Variants in ZNF385B observed in about 807,000 individuals in gnomAD.
The protein encoded by ZNF385B is zinc finger protein 533.
A neutral mutation model predicts 39.2 loss-of-function variants in ZNF385B; 23 were observed. The ratio of observed to expected loss-of-function variants is 0.59; its 90% CI spans 0.42 to 0.83. The LOEUF (loss-of-function observed/expected upper bound fraction) is 0.83. Among genes scored for constraint, ZNF385B ranks in the 40% least tolerant of loss-of-function variants. ZNF385B has a pLI of 0.00. For missense variants in ZNF385B, 552 were observed against 598.9 expected, an observed-to-expected ratio of 0.92 and a Z score of 0.82; for synonymous variants, 205 against 222.6, an observed-to-expected ratio of 0.92 and a Z score of 0.70.
chr2:179,466,736 C>T (rs756506264), intron 6 of ZNF385B, among the ~76,000 whole-genome samples: 26 of 151,430 alleles, frequency 1.7e-4, no homozygotes, highest in African/African-American at 3.2e-4. Context: ...GCCTGGCTAA[C>T]GTGATGCAAC....
chr2:179,599,946 C>A (rs1688284933), intron 3 of ZNF385B, among the ~76,000 whole-genome samples: 1 of 152,180 alleles, frequency 6.6e-6, no homozygotes, highest in Non-Finnish European at 1.5e-5. Context: ...CTGGGCTGCT[C>A]TGTCCAGGTG....
chr2:179,455,036 TTC>T (rs1229876049), intron 6 of ZNF385B, among the ~76,000 whole-genome samples: 2 of 152,176 alleles, frequency 1.3e-5, no homozygotes, highest in African/African-American at 4.8e-5. Flanking sequence ...GTCCTGGGCC[TTC>T]ACATTCACCA....
chr2:179,720,224 G>C (rs1575338393), intron 3 of ZNF385B, among the ~76,000 whole-genome samples: 1 of 152,058 alleles, frequency 6.6e-6, no homozygotes, highest in Admixed American at 6.6e-5. Flanking sequence ...TGATAATAAT[G>C]CCTAATTTTT....
chr2:179,718,980 T>A (rs9288041), intron 3 of ZNF385B, among the ~76,000 whole-genome samples: 117,650 of 151,462 alleles, frequency 0.78, 45,716 homozygotes, highest in Middle Eastern at 0.82. Flanking sequence ...GTATATATAT[T>A]TTTTTTTTCT....
chr2:179,854,437 C>T (rs1479235113), intron 1 of ZNF385B, among the ~76,000 whole-genome samples: 1 of 151,842 alleles, frequency 6.6e-6, no homozygotes, highest in Non-Finnish European at 1.5e-5. Flanking sequence ...GTAGTCATTT[C>T]CATATCCTTA....
At chr2:179,760,158 A>G (rs1703282692) in intron 3 of ZNF385B, among the ~76,000 whole-genome samples, 1 of 151,296 alleles carries the variant, frequency 6.6e-6, no homozygotes, top group Non-Finnish European at 1.5e-5. Context: ...TAATCAGGAT[A>G]TTGACATTGA....
chr2:179,477,545 T>C (rs906785260), intron 6 of ZNF385B, among the ~76,000 whole-genome samples: 5 of 152,160 alleles, frequency 3.3e-5, no homozygotes, highest in Non-Finnish European at 7.3e-5. Context: ...TGGAAATATT[T>C]TAGGTAAAAT....
chr2:179,723,598 A>G (rs1700823356), intron 3 of ZNF385B, among the ~76,000 whole-genome samples: 1 of 152,188 alleles, frequency 6.6e-6, no homozygotes, highest in Non-Finnish European at 1.5e-5. Flanking sequence ...CAAAAACTAA[A>G]TATATTTTAA....
At chr2:179,627,888 A>G (rs1160361846) in intron 3 of ZNF385B, among the ~76,000 whole-genome samples, 1 of 152,012 alleles carries the variant, frequency 6.6e-6, no homozygotes, top group Non-Finnish European at 1.5e-5. Context: ...TTTACTTTCT[A>G]TGTCTCTTTG....
chr2:179,544,623 A>G (rs1048426355), intron 4 of ZNF385B, among the ~76,000 whole-genome samples: 1 of 152,244 alleles, frequency 6.6e-6, no homozygotes, highest in African/African-American at 2.4e-5. Context: ...TTTCTGTGGA[A>G]ATATTTGTAT....
At chr2:179,614,088 G>A (rs911007178) in intron 3 of ZNF385B, among the ~76,000 whole-genome samples, 2 of 152,162 alleles carry the variant, frequency 1.3e-5, no homozygotes, top group Non-Finnish European at 2.9e-5. Context: ...TGCTGCCAAG[G>A]GATGGAGGAA....
intron 3 of ZNF385B, among the ~76,000 whole-genome samples, chr2:179,591,641 A>G (rs1326701496): frequency 6.6e-6 from 1 of 152,228 alleles, no homozygotes; most frequent in Non-Finnish European, 1.5e-5. Flanking sequence ...GTGAGGCTTC[A>G]GGGTAGAGAG....
At chr2:179,577,314 C>G (rs1685948146) in intron 3 of ZNF385B, among the ~76,000 whole-genome samples, 1 of 152,092 alleles carries the variant, frequency 6.6e-6, no homozygotes, top group Non-Finnish European at 1.5e-5. Flanking sequence ...TTTAAAGCTA[C>G]TTCTAGTTCA....
intron 1 of ZNF385B, among the ~76,000 whole-genome samples, chr2:179,857,161 G>T (rs2105455081): frequency 6.6e-6 from 1 of 152,284 alleles, no homozygotes; most frequent in East Asian, 1.9e-4. Context: ...AAACCATGTT[G>T]AGGTGTTAAT....
intron 5 of ZNF385B, among the ~76,000 whole-genome samples, chr2:179,489,848 T>A (rs1559325817): frequency 6.6e-6 from 1 of 152,230 alleles, no homozygotes; most frequent in South Asian, 2.1e-4. Context: ...TTCTCATCTA[T>A]TGGGATTGTT....
intron 4 of ZNF385B, among the ~76,000 whole-genome samples, chr2:179,529,610 C>A (rs1188874049): frequency 1.3e-5 from 2 of 151,512 alleles, no homozygotes; most frequent in African/African-American, 4.8e-5. Context: ...GGAAATCTTT[C>A]AGGGAATTAA....
intron 1 of ZNF385B, among the ~76,000 whole-genome samples, chr2:179,791,672 T>C (rs925801153): frequency 6.6e-6 from 1 of 152,222 alleles, no homozygotes; most frequent in African/African-American, 2.4e-5. Flanking sequence ...TGGCAAGCCA[T>C]TGGAAGCGGA....
At chr2:179,781,004 A>T (rs752185999) in intron 1 of ZNF385B, among the ~76,000 whole-genome samples, 1 of 152,214 alleles carries the variant, frequency 6.6e-6, no homozygotes, top group Non-Finnish European at 1.5e-5. Context: ...AAAATGGAGC[A>T]TGTGGTCACC....
intron 3 of ZNF385B, among the ~76,000 whole-genome samples, chr2:179,657,079 G>A (rs1693857644): frequency 6.6e-6 from 1 of 152,164 alleles, no homozygotes; most frequent in Admixed American, 6.6e-5. Flanking sequence ...AGAAGAATGG[G>A]AGGTCACTCT....
Sources: allele counts gnomAD v4.1 joint callset (sites outside exome capture counted in the v4.1 genomes callset), GRCh38; gene constraint gnomAD v4.1.1; transcripts MANE v1.5; gene names NCBI Gene and HGNC (gene_info 2026-07-23, HGNC 2026-07-21).